The following MCF2L variants were observed in gnomAD, a reference collection of about 807,000 sequenced individuals.
The protein encoded by MCF2L is MCF.2 cell line derived transforming sequence like.
Under a neutral mutation model 153.4 loss-of-function variants are expected in MCF2L, and 97 were observed. The ratio of observed to expected loss-of-function variants is 0.63; its 90% confidence interval spans 0.54 to 0.75. MCF2L has a LOEUF of 0.75. Ranked by LOEUF, MCF2L falls within the 30% of genes least tolerant of loss-of-function variation. The pLI is 0.00. For missense variants in MCF2L, 1,347 were observed against 1,495.2 expected (o/e 0.90, Z 1.64); for synonymous variants, 659 against 632.2 (o/e 1.04, Z -0.64).
intron 1 of MCF2L, among the ~76,000 whole-genome samples, chr13:112,989,017 A>G (rs1244063172): frequency 2.4e-4 from 21 of 87,874 alleles, no homozygotes; most frequent in South Asian, 1.5e-3. Flanking sequence ...CCTGAGCAGG[A>G]CATGGAGCTA....
chr13:113,081,338 G>A, intron 16 of MCF2L, 59 bp downstream of exon 16: 4 of 1,494,582 alleles, frequency 2.7e-6, no homozygotes, highest in Non-Finnish European at 3.6e-6. Flanking sequence ...CCAGCTGGTG[G>A]GGCTTCCTCT....
Position 113,097,956 on chromosome 13 carries a change from C to T in MCF2L, c.*1097C>T, listed in dbSNP as rs1332584268. 5.3e-5 allele frequency: 8 copies of T among 152,150 alleles called. No homozygotes were observed. Among genetic ancestry groups the T allele is most frequent in the Non-Finnish European group, 1.0e-4 (7 of 68,042 alleles). 9.4% of individuals were successfully genotyped at this position (152,150 alleles called of 1,614,324 possible). ...GGAGAGTATTTTATTCAAGTCACAG[C>T]AGAACTGGAAAAAAACTCTTCTGTT... On this transcript the variant is annotated 3_prime_UTR_variant, in exon 30 of 30. Transcript: ENST00000535094.
At chr13:112,981,706 A>C (rs1462427906) in intron 1 of MCF2L, among the ~76,000 whole-genome samples, 1 of 152,204 alleles carries the variant, frequency 6.6e-6, no homozygotes, top group East Asian at 1.9e-4. Context: ...AGGGGGACGC[A>C]TAGCCCAGGT....
intron 3 of MCF2L, among the ~76,000 whole-genome samples, chr13:113,029,749 T>G (rs932803492): frequency 2.0e-5 from 3 of 152,182 alleles, no homozygotes; most frequent in Non-Finnish European, 4.4e-5. Flanking sequence ...TTGGACCTTT[T>G]CTTCCAGGAG....
chr13:112,991,088 C>T (rs965550889), intron 1 of MCF2L, among the ~76,000 whole-genome samples: 2 of 152,186 alleles, frequency 1.3e-5, no homozygotes, highest in African/African-American at 4.8e-5. Context: ...CTCTGTGGGG[C>T]CTGCAGGAGG....
At position 113,030,313 on chromosome 13, in the gene MCF2L, TGTGGACCCTCAGGTGTCTGCCGAC is replaced by T. The variant is rs1566765959; in HGVS notation, c.278+5557_278+5580del. On this transcript the variant is annotated intron_variant, in intron 3 of 29. Transcript: ENST00000535094. ...CCCTCGGGTGTCCGCCGACGCCCGG[TGTGGACCCTCAGGTGTCTGCCGAC>T]GCCCGGTGTGGACTCTCAGGTGTCC... is the stretch of plus-strand genomic sequence containing the variant. Among the ~76,000 whole-genome samples, 851 of 122,424 alleles carry T rather than the reference TGTGGACCCTCAGGTGTCTGCCGAC, an allele frequency of 7.0e-3. 3 individuals are homozygous for T. Among genetic ancestry groups the T allele is most frequent in the Middle Eastern group, 0.019 (3 of 154 alleles). The allele number at this position is 122,424 out of a possible 152,430, so 80.3% of individuals were successfully genotyped here.
intron 2 of MCF2L, among the ~76,000 whole-genome samples, chr13:112,919,956 C>T (rs77735961): frequency 0.029 from 4,371 of 152,260 alleles, 204 homozygotes; most frequent in African/African-American, 0.099. Context: ...ATGTCTCTTT[C>T]CTTCTTTTCT....
At position 113,027,875 on chromosome 13, in the gene MCF2L, T is replaced by C. The variant is rs1284995895; in HGVS notation, c.278+3117T>C. 1.3e-5 allele frequency among the ~76,000 whole-genome samples: 2 copies of C among 152,168 alleles called. No individual in the cohort carries two copies. The highest frequency in any genetic ancestry group is 2.9e-5 in the Non-Finnish European group (2 of 68,024). ...ACCCCGAGGACGTAGGCTCCAGGTG[T>C]GCTGTGGCCAGAGGGGTGTCCTGGG... On this transcript the variant is annotated intron_variant, in intron 3 of 29. Coordinates refer to ENST00000535094, the MANE Select transcript of MCF2L (RefSeq NM_001112732.3). This position sits in a 1 kb window ranked among gnomAD's most constrained non-coding sequence, Gnocchi z 4.8.
At chr13:113,083,973 C>T (rs767255189) in intron 17 of MCF2L, 25 bp from the exon 18 acceptor site, 22 of 1,577,202 alleles carry the variant, frequency 1.4e-5, no homozygotes, top group Non-Finnish European at 1.8e-5. Context: ...GTCTTTCATA[C>T]TACTTAAAAA....
At chr13:113,081,812 G>A (rs7990571) in intron 16 of MCF2L, among the ~76,000 whole-genome samples, 23,060 of 151,770 alleles carry the variant, frequency 0.15, 2,448 homozygotes, top group East Asian at 0.46. Flanking sequence ...ACGGGTGTCC[G>A]AATCACCGAG....
intron 3 of MCF2L, among the ~76,000 whole-genome samples, chr13:113,032,946 CGTG>C (rs2085818873): frequency 6.6e-6 from 1 of 151,816 alleles, no homozygotes; most frequent in Non-Finnish European, 1.5e-5. Context: ...GCCCCCGTGA[CGTG>C]AGTGGACCCC....
At chr13:112,989,091 G>A (rs77099917) in intron 1 of MCF2L, among the ~76,000 whole-genome samples, 5 of 34,190 alleles carry the variant, frequency 1.5e-4, no homozygotes, top group Admixed American at 5.4e-4. Flanking sequence ...CCTGAGCAGG[G>A]GATGGAGCTA....
rs1455927927 is a variant in MCF2L at position 113,058,703 on chromosome 13, C to T, written c.370-1890C>T. ...GGGCGCTGAGTGGGCACTGAATGGG[C>T]GCTGTTTGGGCACTGAGTGGGTGCT... is the stretch of plus-strand genomic sequence containing the variant. On this transcript the variant is annotated intron_variant, in intron 4 of 29. Transcript: ENST00000535094. Among the ~76,000 whole-genome samples the T allele has an allele frequency of 2.0e-4, 18 of 90,596 alleles. No individual in the cohort carries two copies. The South Asian group carries it at 2.9e-3, about 15-fold the overall frequency. The allele number at this position is 90,596 out of a possible 152,430, so 59.4% of individuals were successfully genotyped here.
intron 1 of MCF2L, among the ~76,000 whole-genome samples, chr13:112,898,161 G>A (rs2081085956): frequency 6.6e-6 from 1 of 152,190 alleles, no homozygotes; most frequent in African/African-American, 2.4e-5. Flanking sequence ...GGCAGCGGCG[G>A]GGACCTTCCT....
At chr13:112,928,225 G>A (rs757215982) in intron 2 of MCF2L, among the ~76,000 whole-genome samples, 17 of 152,320 alleles carry the variant, frequency 1.1e-4, no homozygotes, top group East Asian at 3.9e-4. Context: ...GCGGCCGGCC[G>A]TGCACCAACG....
At chr13:112,912,162 T>G (rs2081239461) in intron 2 of MCF2L, among the ~76,000 whole-genome samples, 1 of 152,126 alleles carries the variant, frequency 6.6e-6, no homozygotes, top group African/African-American at 2.4e-5. Flanking sequence ...CCCCTGTGTT[T>G]AGTTTATTCA....
Position 113,081,265 on chromosome 13 carries a change from C to T in MCF2L, c.1861C>T (p.Leu621=). 1 of 1,588,752 alleles carries T rather than the reference C, an allele frequency of 6.3e-7. No homozygotes were observed. The highest frequency in any genetic ancestry group is 2.3e-5 in the East Asian group (1 of 44,018). ...AGAACGGGCCTACGTGGAGGAGCTG[C>T]TGTGCGTCCTGGAGGTGAGGCTGGA... The part of the protein sequence containing the change: ...DTERAYVEEL[L]CVLEGYAAEM... The change falls in exon 16 of 30, where the codon CTG becomes TTG. Residue 621 remains leucine (L), a synonymous_variant. Coordinates refer to ENST00000535094, the MANE Select transcript of MCF2L (RefSeq NM_001112732.3).
At position 113,038,945 on chromosome 13, in the gene MCF2L, C is replaced by T. The variant is rs908256207; in HGVS notation, c.279-6326C>T. Among the ~76,000 whole-genome samples, 23 of 152,316 alleles carry T rather than the reference C, an allele frequency of 1.5e-4. 1 individual carries two copies. Among genetic ancestry groups the T allele is most frequent in the African/African-American group, 4.8e-4 (20 of 41,570 alleles). On this transcript the variant is annotated intron_variant, in intron 3 of 29. Coordinates refer to ENST00000535094, the MANE Select transcript of MCF2L (RefSeq NM_001112732.3). ...CTATCTCGGCTCACTGCAAGCGCCG[C>T]CTCCCGGGTTCACGCCATTCTCCTG... is the stretch of plus-strand genomic sequence containing the variant.
At chr13:112,914,420 G>A (rs1194525906) in intron 2 of MCF2L, among the ~76,000 whole-genome samples, 2 of 152,174 alleles carry the variant, frequency 1.3e-5, no homozygotes, top group African/African-American at 4.8e-5. Flanking sequence ...CTCTGCTGAT[G>A]GGCACTACTG....
Sources: allele counts gnomAD v4.1 joint callset (sites outside exome capture counted in the v4.1 genomes callset), GRCh38; gene constraint gnomAD v4.1.1; non-coding constraint Gnocchi (gnomAD v3.1); transcripts MANE v1.5; gene names NCBI Gene and HGNC (gene_info 2026-07-23, HGNC 2026-07-21).